The following CTTNBP2 variants were observed in gnomAD, a reference collection of about 807,000 sequenced individuals.
CTTNBP2 encodes cortactin-binding protein 2.
In CTTNBP2, 108 loss-of-function variants were observed where a neutral mutation model predicts 156.9. The observed-to-expected ratio is 0.69, with a 90% CI of 0.59 to 0.81. The LOEUF is 0.81. Ranked by LOEUF, CTTNBP2 falls within the 30% of genes least tolerant of loss-of-function variation. The pLI, the probability that CTTNBP2 is intolerant of heterozygous loss-of-function variation, is 0.00. For synonymous variants in CTTNBP2, 767 were observed against 751.8 expected (o/e 1.02, Z -0.33); for missense variants, 1,924 against 2,035.4 (o/e 0.95, Z 1.05).
intron 16 of CTTNBP2, among the ~76,000 whole-genome samples, chr7:117,729,059 G>T (rs901927004): frequency 6.6e-6 from 1 of 152,174 alleles, no homozygotes; most frequent in Non-Finnish European, 1.5e-5. Flanking sequence ...GGAGAAGGAG[G>T]GTAGAGCTCT....
chr7:117,721,913 G>T (rs1794811933), intron 19 of CTTNBP2, among the ~76,000 whole-genome samples: 1 of 152,180 alleles, frequency 6.6e-6, no homozygotes, highest in South Asian at 2.1e-4. Context: ...TGTTATGAAT[G>T]CATTAAAACA....
rs749059251 is a variant in CTTNBP2, at chr7:117,791,155, A to T, written c.2041T>A (p.Ser681Thr). The part of the protein sequence containing the change: ...VSASSCRPGA[S>T]DSLLVTASGW... ...GATGCTGTTACCAGGAGGCTGTCTG[A>T]GGCACCTGGTCTACAGGATGAGGCA... Residue 681 changes from serine (S) to threonine (T), a missense_variant, in exon 4 of 23, where the codon TCA becomes ACA. Ser to Thr is a moderately conservative substitution (Grantham distance 58). Coordinates refer to ENST00000160373, the MANE Select transcript of CTTNBP2 (RefSeq NM_033427.3). 6.2e-7 allele frequency: 1 copy of T among 1,614,060 alleles called. No homozygotes were observed. The highest frequency in any genetic ancestry group is 1.1e-5 in the South Asian group (1 of 91,064).
At position 117,786,354 on chromosome 7, in the gene CTTNBP2, T is replaced by C. The variant is rs745674922; in HGVS notation, c.2069-1900A>G. On this transcript the variant is annotated intron_variant, in intron 4 of 22. Coordinates refer to ENST00000160373, the MANE Select transcript of CTTNBP2 (RefSeq NM_033427.3). ...TCCTACTGATACTCATTAGCTCTTC[T>C]TACAAAAGTAGTATTTTTACTTCAT... 7.2e-5 allele frequency: 31 copies of C among 428,760 alleles called. 1 individual carries two copies. The highest frequency in any genetic ancestry group is 2.1e-4 in the South Asian group (12 of 56,210). 26.6% of individuals were successfully genotyped at this position (428,760 alleles called of 1,614,324 possible).
intron 2 of CTTNBP2, among the ~76,000 whole-genome samples, chr7:117,850,561 CT>C (rs1802876347): frequency 3.9e-5 from 6 of 152,136 alleles, no homozygotes; most frequent in Admixed American, 2.6e-4. Flanking sequence ...AATAAAACAA[CT>C]TTGAGGGAGT....
rs200917866 is a variant in CTTNBP2 at position 117,760,650 on chromosome 7, G to C, written c.2957C>G (p.Ser986Cys). The change falls in exon 10 of 23, where the codon TCT (serine) becomes TGT (cysteine). Residue 986 changes from serine (S) to cysteine (C), a missense_variant. Coordinates refer to ENST00000160373, the MANE Select transcript of CTTNBP2 (RefSeq NM_033427.3). ...TGTGTTTTCACATTCCAAGTCATCA[G>C]AACCATAGTTGCTTGGTTCAATCTC... is the stretch of plus-strand genomic sequence containing the variant. ...VGEIEPSNYG[S>C]DDLECENTIC... 238 of 1,613,372 alleles carry C rather than the reference G, an allele frequency of 1.5e-4. No homozygotes were observed. Among genetic ancestry groups the C allele is most frequent in the Non-Finnish European group, 1.9e-4 (220 of 1,179,546 alleles).
At chr7:117,767,690 T>C (rs574601044) in intron 8 of CTTNBP2, among the ~76,000 whole-genome samples, 41 of 152,362 alleles carry the variant, frequency 2.7e-4, no homozygotes, top group Non-Finnish European at 5.4e-4. Flanking sequence ...ATATTTTATT[T>C]GAAAAATATG....
At chr7:117,859,036 C>A (rs1441131242) in intron 2 of CTTNBP2, among the ~76,000 whole-genome samples, 3 of 152,240 alleles carry the variant, frequency 2.0e-5, no homozygotes, top group African/African-American at 7.2e-5. Context: ...CATGTCTGAG[C>A]ATTTATATAT....
intron 8 of CTTNBP2, among the ~76,000 whole-genome samples, chr7:117,771,782 G>T (rs904179279): frequency 3.3e-5 from 5 of 152,212 alleles, no homozygotes; most frequent in African/African-American, 1.2e-4. Context: ...GAGAGGCAGA[G>T]AAGCATGCAA....
chr7:117,795,914 C>T (rs1799288039), intron 3 of CTTNBP2, among the ~76,000 whole-genome samples: 1 of 152,170 alleles, frequency 6.6e-6, no homozygotes, highest in Non-Finnish European at 1.5e-5. Flanking sequence ...TCCCAATCAT[C>T]AATCACTCTA....
In CTTNBP2 at chr7:117,786,115, G is replaced by C. The variant is rs374286193; in HGVS notation, c.2069-1661C>G. Reference sequence around the variant, plus strand: ...TAAAAGTACATATCAAAGGAACTTAGTATTTAAAAAATTCTTTATTAAAAA... The same window carrying C: ...TAAAAGTACATATCAAAGGAACTTACTATTTAAAAAATTCTTTATTAAAAA... On this transcript the variant is annotated intron_variant, in intron 4 of 22. Transcript: ENST00000160373. Among the ~76,000 whole-genome samples the C allele has an allele frequency of 4.2e-4, 64 of 152,162 alleles. No individual in the cohort carries two copies. The South Asian group carries it at 0.013, about 31-fold the overall frequency.
rs777343083 is a variant in CTTNBP2, at chr7:117,873,369, G to C, written c.47C>G (p.Pro16Arg). The change falls in exon 1 of 23, where the codon CCG becomes CGG. Residue 16 changes from proline to arginine, a missense_variant. Pro to Arg is a moderately radical substitution (Grantham distance 103). Coordinates refer to ENST00000160373, the MANE Select transcript of CTTNBP2 (RefSeq NM_033427.3). Reference sequence around the variant, plus strand: ...CGCCGCGGCCCCCGCCGCGTCCTCCGGGGCCCGGGACAAGTCGGGCTCGCA... The same window carrying C: ...CGCCGCGGCCCCCGCCGCGTCCTCCCGGGCCCGGGACAAGTCGGGCTCGCA... ...ASCEPDLSRA[P>R]EDAAGAAAEA... 2 of 1,476,550 alleles carry C rather than the reference G, an allele frequency of 1.4e-6. No homozygotes were observed. Among genetic ancestry groups the C allele is most frequent in the South Asian group, 2.6e-5 (2 of 76,742 alleles). The allele number at this position is 1,476,550 out of a possible 1,614,324, so 91.5% of individuals were successfully genotyped here. A position where few individuals can be genotyped will look rare whatever the true frequency, so the allele number is the denominator to read the frequency against.
chr7:117,782,711 T>C, intron 6 of CTTNBP2, 151 bp downstream of exon 6: 1 of 599,002 alleles, frequency 1.7e-6, no homozygotes, highest in South Asian at 2.0e-5. Context: ...GAATCCTAGT[T>C]TGCATTTAAA....
intron 3 of CTTNBP2, among the ~76,000 whole-genome samples, chr7:117,793,134 A>G (rs1370207301): frequency 6.6e-6 from 1 of 152,196 alleles, no homozygotes; most frequent in African/African-American, 2.4e-5. Flanking sequence ...GGAATTGGTG[A>G]TATTTTTAAA....
intron 12 of CTTNBP2, among the ~76,000 whole-genome samples, chr7:117,754,919 T>C (rs1251214553): frequency 2.0e-5 from 3 of 152,228 alleles, no homozygotes; most frequent in Non-Finnish European, 4.4e-5. Context: ...TTTGCAGTTT[T>C]ATCATCTTAA....
Position 117,791,778 on chromosome 7 carries a change from T to C in CTTNBP2, c.1418A>G (p.Asp473Gly). The C allele has an allele frequency of 6.2e-7, 1 of 1,614,190 alleles. No homozygotes were observed. The highest frequency in any genetic ancestry group is 1.1e-5 in the South Asian group (1 of 91,086). The change falls in exon 4 of 23, where the codon GAT (aspartate) becomes GGT (glycine). Residue 473 changes from aspartate (D) to glycine (G), a missense_variant. Transcript: ENST00000160373. Reference protein sequence around the residue: ...GNTTQSPPSRDVSPTSRDNLV... With the variant: ...GNTTQSPPSRGVSPTSRDNLV... ...GTTGTCACGACTTGTAGGCGAGACA[T>C]CTCTTGACGGAGGACTTTGGGTAGT...
chr7:117,786,985 C>A (rs1798736110), intron 4 of CTTNBP2, among the ~76,000 whole-genome samples: 1 of 151,882 alleles, frequency 6.6e-6, no homozygotes, highest in Non-Finnish European at 1.5e-5. Flanking sequence ...TTTTTAAAAT[C>A]TTTACAAAAG....
At chr7:117,727,921 A>T (rs1429206374) in intron 17 of CTTNBP2, among the ~76,000 whole-genome samples, 168 bp downstream of exon 17, 1 of 152,248 alleles carries the variant, frequency 6.6e-6, no homozygotes, top group African/African-American at 2.4e-5. Flanking sequence ...CCTAGGAAGC[A>T]CACAGTAGGC....
rs534795310 is a variant in CTTNBP2 at position 117,867,519 on chromosome 7, T to C, written c.81+5816A>G. ...GTAAGAACATTACTTCTTCACTTAT[T>C]TTATCCAACATGCTCCCCCTGCCCC... On this transcript the variant is annotated intron_variant, in intron 1 of 22. Transcript: ENST00000160373. Among the ~76,000 whole-genome samples, 38 of 152,220 alleles carry C rather than the reference T, an allele frequency of 2.5e-4. 1 individual carries two copies. In the South Asian group the frequency reaches 7.9e-3, roughly 32 times the overall value.
In CTTNBP2 at chr7:117,860,315, A is replaced by C. The variant is rs183177210; in HGVS notation, c.189+894T>G. On this transcript the variant is annotated intron_variant, in intron 2 of 22. Coordinates refer to ENST00000160373, the MANE Select transcript of CTTNBP2 (RefSeq NM_033427.3). The stretch of plus-strand genomic sequence containing the variant: ...ACTTAATTGGAAAATTGGTGATTAG[A>C]CTTTCTTGATGTATTGTTTTTTCTT... Among the ~76,000 whole-genome samples the C allele has an allele frequency of 3.4e-4, 52 of 152,182 alleles. No homozygotes were observed. In the East Asian group the frequency reaches 8.3e-3, roughly 24 times the overall value.
Sources: allele counts gnomAD v4.1 joint callset (sites outside exome capture counted in the v4.1 genomes callset), GRCh38; gene constraint gnomAD v4.1.1; transcripts MANE v1.5; gene names NCBI Gene and HGNC (gene_info 2026-07-23, HGNC 2026-07-21).